The following UGT1A10 variants were observed in gnomAD, a reference collection of about 807,000 sequenced individuals.
UGT1A10 encodes UDP-glucuronosyltransferase 1A10.
UGT1A10 carries 49 observed loss-of-function variants against 45.8 expected under a neutral mutation model. The observed-to-expected ratio is 1.07, with a 90% CI of 0.85 to 1.36. The LOEUF (loss-of-function observed/expected upper bound fraction) is 1.36, where lower values mean the gene tolerates loss of function less well. UGT1A10 is among the 40% of genes most tolerant of loss of function. UGT1A10 has a pLI of 0.00. For synonymous variants in UGT1A10, 284 were observed against 249.7 expected (o/e 1.14, Z -1.29); for missense variants, 745 against 668.6 (o/e 1.11, Z -1.26).
chr2:233,697,078 T>C (rs1342643335), intron 1 of UGT1A10, among the ~76,000 whole-genome samples: 2 of 152,118 alleles, frequency 1.3e-5, no homozygotes, highest in African/African-American at 4.8e-5. Flanking sequence ...GGTATCAGGG[T>C]AACACTGGTC....
chr2:233,646,427 C>T (rs896172773), intron 1 of UGT1A10, among the ~76,000 whole-genome samples: 1 of 152,210 alleles, frequency 6.6e-6, no homozygotes, highest in Non-Finnish European at 1.5e-5. Context: ...TTTTCTATCA[C>T]ATTTTCAGGC....
chr2:233,653,431 A>G (rs890506224), intron 1 of UGT1A10, among the ~76,000 whole-genome samples: 1 of 152,146 alleles, frequency 6.6e-6, no homozygotes, highest in Admixed American at 6.5e-5. Context: ...AAAAGTATCA[A>G]TATTTATTAC....
intron 1 of UGT1A10, among the ~76,000 whole-genome samples, chr2:233,646,010 T>C (rs1559322896): frequency 6.6e-6 from 1 of 152,234 alleles, no homozygotes; most frequent in Non-Finnish European, 1.5e-5. Context: ...CATCCAGGCA[T>C]ATCCATACAG....
chr2:233,729,959 G>A (rs1416622482), intron 1 of UGT1A10: 13 of 1,613,900 alleles, frequency 8.1e-6, no homozygotes, highest in East Asian at 2.2e-5. Flanking sequence ...TTCATTGGGG[G>A]CATCAACTGT....
At chr2:233,770,624 C>T (rs544443196) in intron 4 of UGT1A10, 1 of 151,460 alleles carries the variant, frequency 6.6e-6, no homozygotes, top group African/African-American at 2.4e-5. Flanking sequence ...TGCCACTCCA[C>T]TCCAGCCTGG....
intron 1 of UGT1A10, among the ~76,000 whole-genome samples, chr2:233,651,387 C>A (rs887732155): frequency 6.6e-6 from 1 of 151,934 alleles, no homozygotes; most frequent in African/African-American, 2.4e-5. Flanking sequence ...ACATATTGGC[C>A]ATATATCATT....
At chr2:233,679,436 C>G (rs752875090) in intron 1 of UGT1A10, among the ~76,000 whole-genome samples, 5 of 152,206 alleles carry the variant, frequency 3.3e-5, no homozygotes, top group Admixed American at 6.5e-5. Context: ...GCAGTCCTGA[C>G]TGTAAACTTG....
chr2:233,644,109 A>G (rs912752289), intron 1 of UGT1A10, among the ~76,000 whole-genome samples: 3 of 152,172 alleles, frequency 2.0e-5, no homozygotes, highest in Non-Finnish European at 4.4e-5. Context: ...CTCTGGGCCT[A>G]GTACAGCCCT....
At chr2:233,699,430 G>T (rs2075505174) in intron 1 of UGT1A10, among the ~76,000 whole-genome samples, 1 of 152,190 alleles carries the variant, frequency 6.6e-6, no homozygotes, top group Admixed American at 6.5e-5. Flanking sequence ...TATTAGAAGG[G>T]TCATTGGAGT....
At chr2:233,763,919 C>T (rs748972276) in intron 1 of UGT1A10, among the ~76,000 whole-genome samples, 11 of 152,168 alleles carry the variant, frequency 7.2e-5, no homozygotes, top group African/African-American at 2.4e-4. Context: ...ACCAAGGCTT[C>T]GAGATGGCCA....
chr2:233,760,379 TG>T (rs1308601724), intron 1 of UGT1A10: 1 of 1,614,196 alleles, frequency 6.2e-7, no homozygotes, highest in East Asian at 2.2e-5. Flanking sequence ...GGGAAGATAC[TG>T]TTGATCCCAG....
At chr2:233,768,145 T>C in intron 3 of UGT1A10, 75 bp from the exon 4 acceptor site, 1 of 1,611,332 alleles carries the variant, frequency 6.2e-7, no homozygotes, top group Non-Finnish European at 8.5e-7. Flanking sequence ...TTTGGAGTGT[T>C]TTCAGAACCT....
intron 1 of UGT1A10, among the ~76,000 whole-genome samples, chr2:233,731,040 C>T (rs1274870309): frequency 2.6e-5 from 4 of 152,166 alleles, no homozygotes; most frequent in African/African-American, 9.7e-5. Flanking sequence ...ATGTCATATT[C>T]ACCGAATGTG....
chr2:233,650,418 G>A lies in UGT1A10; in HGVS notation c.855+13041G>A, dbSNP rs1251184575. ...GAATTGTGTAAACTGTCCTGACTGA[G>A]ATATCTATTGTGTTGGCTATTGTTT... On this transcript the variant is annotated intron_variant, in intron 1 of 4. Transcript: ENST00000344644. 5.9e-5 allele frequency among the ~76,000 whole-genome samples: 9 copies of A among 152,236 alleles called. No homozygotes were observed. The South Asian group carries it at 1.4e-3, about 25-fold the overall frequency.
intron 1 of UGT1A10, chr2:233,672,773 G>T (rs1326548895): frequency 6.2e-7 from 1 of 1,613,612 alleles, no homozygotes; most frequent in Non-Finnish European, 8.5e-7. Flanking sequence ...TGCCATCAGG[G>T]AAAGCCGTTG....
At chr2:233,643,716 G>A (rs926333796) in intron 1 of UGT1A10, among the ~76,000 whole-genome samples, 2 of 152,158 alleles carry the variant, frequency 1.3e-5, no homozygotes, top group African/African-American at 4.8e-5. Context: ...GTAGTACGAG[G>A]TTTCACTGCT....
At position 233,769,266 on chromosome 2, in the gene UGT1A10, CA is replaced by C. The variant is rs1253780369; in HGVS notation, c.1295+830del. ...CTCAAATGTGGCCCTGAAAACGATT[CA>C]AAGGGCAAATGATTTCTGGATTAAA... is the stretch of plus-strand genomic sequence containing the variant. On this transcript the variant is annotated intron_variant, in intron 4 of 4. Coordinates refer to ENST00000344644, the MANE Select transcript of UGT1A10 (RefSeq NM_019075.4). The surrounding 1 kb of genome is among the most constrained non-coding windows in gnomAD (Gnocchi z 4.4). Among the ~76,000 whole-genome samples, 1 of 152,194 alleles carries C rather than the reference CA, an allele frequency of 6.6e-6. No individual in the cohort carries two copies. The highest frequency in any genetic ancestry group is 1.5e-5 in the Non-Finnish European group (1 of 68,034).
At chr2:233,639,578 T>C (rs988033716) in intron 1 of UGT1A10, among the ~76,000 whole-genome samples, 2 of 152,172 alleles carry the variant, frequency 1.3e-5, no homozygotes, top group African/African-American at 4.8e-5. Context: ...TACTTGATGA[T>C]AGAGTATGTG....
At chr2:233,697,876 C>T (rs533804115) in intron 1 of UGT1A10, among the ~76,000 whole-genome samples, 2 of 152,156 alleles carry the variant, frequency 1.3e-5, no homozygotes, top group South Asian at 4.1e-4. Flanking sequence ...TTAATGATTT[C>T]TTACCATTGA....
Sources: gnomAD v4.1 joint callset for allele counts (sites outside exome capture counted in the v4.1 genomes callset) on GRCh38, gnomAD v4.1.1 for gene constraint, Gnocchi (gnomAD v3.1) non-coding constraint, MANE v1.5 for transcripts, NCBI Gene and HGNC (gene_info 2026-07-23, HGNC 2026-07-21) for gene names.